RGPD3: variants seen among roughly 807,000 people sequenced by gnomAD.
RGPD3 encodes ranBP2-like and GRIP domain-containing protein 3.
In RGPD3, 62 loss-of-function variants were observed where a neutral mutation model predicts 154.5. The ratio of observed to expected loss-of-function variants is 0.40; its 90% confidence interval spans 0.33 to 0.50. RGPD3 has a LOEUF of 0.50. Among genes scored for constraint, RGPD3 ranks in the 20% least tolerant of loss-of-function variants. RGPD3 has a pLI of 0.59. For synonymous variants in RGPD3, 308 were observed against 607.0 expected, an observed-to-expected ratio of 0.51 and a Z score of 7.24; for missense variants, 919 against 1,716.8, an observed-to-expected ratio of 0.54 and a Z score of 8.21.
In RGPD3 at chr2:106,468,023, C is replaced by T. The variant is rs1399922119; in HGVS notation, c.72+194G>A. Among the ~76,000 whole-genome samples, 3 of 141,534 alleles carry T rather than the reference C, an allele frequency of 2.1e-5. No individual in the cohort carries two copies. The East Asian group carries it at 6.4e-4, about 30-fold the overall frequency. 92.9% of individuals were successfully genotyped at this position (141,534 alleles called of 152,430 possible). ...AACAGAGCGCGCCAGGGAGCAGCGC[C>T]GGTCGGGAGCCATGACGCCTGAGCC... On this transcript the variant is annotated intron_variant, in intron 1 of 22. Transcript: ENST00000409886.
At chr2:106,460,290 T>TG (rs1488958882) in intron 1 of RGPD3, among the ~76,000 whole-genome samples, 2 of 150,562 alleles carry the variant, frequency 1.3e-5, no homozygotes, top group Non-Finnish European at 3.0e-5. Context: ...CAGCTTTCTT[T>TG]GGGGAGGAAA....
At chr2:106,450,240 C>T (rs1206537321) in intron 6 of RGPD3, among the ~76,000 whole-genome samples, 3 of 81,134 alleles carry the variant, frequency 3.7e-5, no homozygotes, top group African/African-American at 4.1e-5. Flanking sequence ...ATTAGCCGAG[C>T]GTGGTGGTGG....
rs553425078 is a variant in RGPD3 at position 106,432,368 on chromosome 2, G to A, written c.2469+567C>T. Among the ~76,000 whole-genome samples, 107 of 148,300 alleles carry A rather than the reference G, an allele frequency of 7.2e-4. 3 individuals are homozygous for A. The highest frequency in any genetic ancestry group is 2.4e-3 in the African/African-American group (99 of 40,482). On this transcript the variant is annotated intron_variant, in intron 17 of 22. Transcript: ENST00000409886. ...CTCGGGAGGCTGAGGCAGGAGAGTC[G>A]CTTGAACCTGGGAGGTGGAGGTTGC...
chr2:106,466,510 C>G (rs1412493771), intron 1 of RGPD3, among the ~76,000 whole-genome samples: 1 of 129,310 alleles, frequency 7.7e-6, no homozygotes, highest in Admixed American at 7.9e-5. Flanking sequence ...CAGCGCCCGT[C>G]GGGAGCCATG....
chr2:106,454,317 A>G (rs1309198899), intron 4 of RGPD3, among the ~76,000 whole-genome samples: 3 of 142,446 alleles, frequency 2.1e-5, no homozygotes, highest in Non-Finnish European at 4.5e-5. Context: ...TCTCTCCTTT[A>G]TCAATTTCTC....
At chr2:106,407,589 C>A (rs1251927297) in intron 22 of RGPD3, among the ~76,000 whole-genome samples, 1 of 151,904 alleles carries the variant, frequency 6.6e-6, no homozygotes, top group Non-Finnish European at 1.5e-5. Context: ...TGTTCACCTG[C>A]AATGAATGGT....
chr2:106,454,435 A>T (rs1678188859), intron 4 of RGPD3, among the ~76,000 whole-genome samples: 1 of 151,128 alleles, frequency 6.6e-6, no homozygotes, highest in Non-Finnish European at 1.5e-5. Context: ...GTGCTTTTAA[A>T]AAGTTCTATC....
At chr2:106,415,093 C>T (rs1376166539) in intron 21 of RGPD3, among the ~76,000 whole-genome samples, 28 of 151,322 alleles carry the variant, frequency 1.9e-4, no homozygotes, top group African/African-American at 6.8e-4. Context: ...TTGAGTAATC[C>T]TCAACTGTTC....
intron 1 of RGPD3, among the ~76,000 whole-genome samples, chr2:106,462,091 C>G (rs781504642): frequency 6.6e-6 from 1 of 152,102 alleles, no homozygotes; most frequent in South Asian, 2.1e-4. Flanking sequence ...ACCATGTTGG[C>G]CAGATGGTGT....
Position 106,459,324 on chromosome 2 carries a change from C to T in RGPD3, c.81G>A (p.Thr27=), listed in dbSNP as rs766997672. Residue 27 remains threonine, a synonymous_variant, in exon 2 of 23, where the codon ACG becomes ACA. Transcript: ENST00000409886. ...ACAGCTTTGCAAAATAGAATCCTCT[C>T]GTTGACTTCTAAAAAAAATTAAAAG... ...GSAPSPRKKS[T]RGFYFAKLYY... is the part of the protein sequence containing the mutation. The T allele has an allele frequency of 1.2e-5, 19 of 1,557,432 alleles. No individual in the cohort carries two copies. Among genetic ancestry groups the T allele is most frequent in the African/African-American group, 8.2e-5 (6 of 73,564 alleles).
chr2:106,410,344 C>G (rs1339912237), intron 22 of RGPD3, among the ~76,000 whole-genome samples: 1 of 152,128 alleles, frequency 6.6e-6, no homozygotes, highest in Non-Finnish European at 1.5e-5. Flanking sequence ...TGTCTGTTTA[C>G]AGGACTTACC....
chr2:106,447,753 G>A (rs1426033404), intron 6 of RGPD3, 140 bp from the exon 7 acceptor site: 11 of 186,492 alleles, frequency 5.9e-5, no homozygotes, highest in Admixed American at 1.3e-4. Flanking sequence ...CTTATTCCCC[G>A]TGTTATAAAT....
intron 21 of RGPD3, 66 bp from the exon 22 acceptor site, chr2:106,413,351 C>G (rs537771180): frequency 6.3e-7 from 1 of 1,591,604 alleles, no homozygotes; most frequent in African/African-American, 1.3e-5. Context: ...GCAGACTGAA[C>G]TCATGTATTT....
chr2:106,470,935 C>A (rs1186869047), upstream of RGPD3: 10 of 1,560,030 alleles, frequency 6.4e-6, no homozygotes, highest in Admixed American at 1.1e-4. Context: ...ACCTTTCCCA[C>A]CTTTAAGCAA....
At chr2:106,462,413 C>A (rs1466811961) in intron 1 of RGPD3, among the ~76,000 whole-genome samples, 2 of 150,552 alleles carry the variant, frequency 1.3e-5, no homozygotes, top group Non-Finnish European at 3.0e-5. Context: ...AGATATATAG[C>A]TAGGAAGGAG....
At chr2:106,409,274 C>T (rs1676599461) in intron 22 of RGPD3, among the ~76,000 whole-genome samples, 2 of 152,194 alleles carry the variant, frequency 1.3e-5, no homozygotes, top group South Asian at 2.1e-4. Context: ...AACAAAATGC[C>T]CCTAGTGTGA....
At chr2:106,465,424 C>T (rs999910655) in intron 1 of RGPD3, among the ~76,000 whole-genome samples, 3 of 152,156 alleles carry the variant, frequency 2.0e-5, no homozygotes, top group African/African-American at 7.2e-5. Flanking sequence ...TCGTCAAAAT[C>T]TTGCCACCAC....
chr2:106,446,358 G>A (rs552565560), intron 7 of RGPD3, among the ~76,000 whole-genome samples: 1 of 152,098 alleles, frequency 6.6e-6, no homozygotes, highest in Non-Finnish European at 1.5e-5. Flanking sequence ...ACTAGGTCAG[G>A]AGATTGAGAC....
At chr2:106,470,522 C>T (rs988930861), upstream of RGPD3, among the ~76,000 whole-genome samples, 1 of 152,026 alleles carries the variant, frequency 6.6e-6, no homozygotes, top group African/African-American at 2.4e-5. Context: ...ATGAGTCTTT[C>T]TTAAATTCTA....
Sources: allele counts gnomAD v4.1 joint callset (sites outside exome capture counted in the v4.1 genomes callset), GRCh38; gene constraint gnomAD v4.1.1; transcripts MANE v1.5; gene names NCBI Gene and HGNC (gene_info 2026-07-23, HGNC 2026-07-21).